The following SCN9A variants were observed in gnomAD, a reference collection of about 807,000 sequenced individuals.
The protein encoded by SCN9A is sodium voltage-gated channel alpha subunit 9.
A neutral mutation model predicts 187.0 loss-of-function variants in SCN9A; 131 were observed. The observed-to-expected ratio is 0.70, with a 90% CI of 0.61 to 0.81. SCN9A has a LOEUF of 0.81. Among genes scored for constraint, SCN9A ranks in the 30% least tolerant of loss-of-function variants. The pLI is 0.00. For synonymous variants in SCN9A, 809 were observed against 808.6 expected (o/e 1.00, Z -0.01); for missense variants, 2,252 against 2,396.6 (o/e 0.94, Z 1.26).
intron 24 of SCN9A, among the ~76,000 whole-genome samples, chr2:166,226,275 C>G (rs766335672): frequency 1.3e-4 from 19 of 151,976 alleles, no homozygotes; most frequent in Non-Finnish European, 2.1e-4. Context: ...ATTATTCAAT[C>G]CTCTATAGGA....
chr2:166,310,237 C>T (rs1438804081), intron 2 of SCN9A, among the ~76,000 whole-genome samples: 1 of 91,212 alleles, frequency 1.1e-5, no homozygotes, highest in Non-Finnish European at 2.3e-5. Context: ...CAACAAAAGA[C>T]AAAATTGACA....
intron 1 of SCN9A, among the ~76,000 whole-genome samples, chr2:166,313,244 G>A (rs1261610923): frequency 1.3e-5 from 2 of 151,990 alleles, no homozygotes; most frequent in Admixed American, 1.3e-4. Flanking sequence ...GTCACCAGCT[G>A]CATTATCCCC....
At chr2:166,246,966 G>T (rs994174058) in intron 18 of SCN9A, among the ~76,000 whole-genome samples, 3 of 151,756 alleles carry the variant, frequency 2.0e-5, no homozygotes, top group Non-Finnish European at 2.9e-5. Flanking sequence ...AACTAAGCTG[G>T]TTAGCAATGT....
rs554016514 is a variant in SCN9A at position 166,358,155 on chromosome 2, T to G, written c.-51+17542A>C. ...TGCGATCTCAGCTCACTGCAACATC[T>G]GCCTCCTGGGTTCAAGCAGTTCTCC... On this transcript the variant is annotated intron_variant, in intron 1 of 26. Coordinates refer to ENST00000642356, the MANE Select transcript of SCN9A (RefSeq NM_001365536.1). Among the ~76,000 whole-genome samples the G allele has an allele frequency of 2.9e-3, 447 of 151,698 alleles. 2 individuals are homozygous for G. Among genetic ancestry groups the G allele is most frequent in the African/African-American group, 1.0e-2 (412 of 41,388 alleles).
At chr2:166,247,616 A>G (rs1047022284) in intron 18 of SCN9A, among the ~76,000 whole-genome samples, 3 of 152,080 alleles carry the variant, frequency 2.0e-5, no homozygotes, top group African/African-American at 7.2e-5. Context: ...TCCTGGGTTC[A>G]AGCGATTCTC....
chr2:166,209,101 T>G lies in SCN9A; in HGVS notation c.4399-4637A>C, dbSNP rs577579677. On this transcript the variant is annotated intron_variant, in intron 24 of 26. Transcript: ENST00000642356. ...AAAAGGGGACGGTAGATTAGCTGTT[T>G]GAGAGACTCTCAGTATCTCTAGCCA... Among the ~76,000 whole-genome samples the G allele has an allele frequency of 3.3e-5, 5 of 152,308 alleles. No homozygotes were observed. The South Asian group carries it at 8.3e-4, about 25-fold the overall frequency.
At chr2:166,344,258 A>G (rs1381309248) in intron 1 of SCN9A, among the ~76,000 whole-genome samples, 5 of 152,214 alleles carry the variant, frequency 3.3e-5, no homozygotes. Flanking sequence ...AATACTAAAA[A>G]GCCTTATAAA....
chr2:166,330,199 G>A (rs1699467143), intron 1 of SCN9A, among the ~76,000 whole-genome samples: 1 of 152,056 alleles, frequency 6.6e-6, no homozygotes, highest in East Asian at 1.9e-4. Context: ...TCAAGTTCCA[G>A]GTTAAATTCC....
In SCN9A at chr2:166,305,480, T is replaced by C. The variant is rs561103484; in HGVS notation, c.596+312A>G. Among the ~76,000 whole-genome samples, 5 of 152,248 alleles carry C rather than the reference T, an allele frequency of 3.3e-5. No homozygotes were observed. The East Asian group carries it at 9.6e-4, about 29-fold the overall frequency. On this transcript the variant is annotated intron_variant, in intron 5 of 26. Coordinates refer to ENST00000642356, the MANE Select transcript of SCN9A (RefSeq NM_001365536.1). ...TTTTTTGTGTGCTTCTTATAGGTTT[T>C]ATTCATTTTTAAACAAGAACTTGGA...
chr2:166,245,197 T>C (rs116370864), intron 18 of SCN9A, among the ~76,000 whole-genome samples: 45 of 152,146 alleles, frequency 3.0e-4, no homozygotes, highest in Non-Finnish European at 5.7e-4. Flanking sequence ...TTTGGCAAAG[T>C]TCAAAAAAAG....
chr2:166,343,651 C>T (rs1358774627), intron 1 of SCN9A, among the ~76,000 whole-genome samples: 1 of 152,024 alleles, frequency 6.6e-6, no homozygotes, highest in Non-Finnish European at 1.5e-5. Flanking sequence ...ATAATCCCAG[C>T]ACTTTGGGAG....
chr2:166,311,538 C>A lies in SCN9A; in HGVS notation c.219G>T (p.Glu73Asp), dbSNP rs1183962696. ...YGDIPPGMVS[E>D]PLEDLDPYYA... is the part of the protein sequence containing the mutation. ...AGTAGGGGTCCAAGTCCTCCAGGGG[C>A]TCTGACACCATGCCGGGAGGAATGT... Residue 73 changes from glutamate (E) to aspartate (D), a missense_variant, in exon 2 of 27, where the codon GAG becomes GAT. Physicochemically the swap from Glu to Asp is conservative, Grantham distance 45. Transcript: ENST00000642356. The A allele has an allele frequency of 6.2e-7, 1 of 1,612,442 alleles. No individual in the cohort carries two copies. Among genetic ancestry groups the A allele is most frequent in the Admixed American group, 1.7e-5 (1 of 59,882 alleles).
At position 166,303,110 on chromosome 2, in the gene SCN9A, TCTAGG is replaced by T; in HGVS notation, c.876_880del (p.Leu293GlufsTer2). 6.2e-7 allele frequency: 1 copy of T among 1,603,622 alleles called. No individual in the cohort carries two copies. Among genetic ancestry groups the T allele is most frequent in the South Asian group, 1.1e-5 (1 of 90,052 alleles). On this transcript the variant is annotated frameshift_variant, in exon 7 of 27. Coordinates refer to ENST00000642356, the MANE Select transcript of SCN9A (RefSeq NM_001365536.1). LOFTEE classifies it high-confidence loss of function. ...CTTACTTCTAAAGTCTTCTTCACTCTCTAGGGTATTCATTATGCTTTCTAATGTTT... is the reference window on the plus strand; with the variant it reads ...CTTACTTCTAAAGTCTTCTTCACTCTGTATTCATTATGCTTTCTAATGTTT...
intron 17 of SCN9A, among the ~76,000 whole-genome samples, chr2:166,255,356 G>A (rs1696221345): frequency 6.6e-6 from 1 of 151,424 alleles, no homozygotes; most frequent in Admixed American, 6.6e-5. Flanking sequence ...TAGAAATTGT[G>A]TTAAATATAT....
rs1458341492 is a variant in SCN9A at position 166,233,997 on chromosome 2, G to A, written c.3802-535C>T. ...ACAATTTCTAAAGATTAGCACCAAA[G>A]ATCTACCAAATAGTTTTTCATGGGA... On this transcript the variant is annotated intron_variant, in intron 20 of 26. Transcript: ENST00000642356. 2.0e-5 allele frequency among the ~76,000 whole-genome samples: 3 copies of A among 152,058 alleles called. No individual in the cohort carries two copies. In the East Asian group the frequency reaches 5.8e-4, roughly 29 times the overall value.
At chr2:166,211,242 A>G (rs1473662582) in intron 24 of SCN9A, among the ~76,000 whole-genome samples, 1 of 152,166 alleles carries the variant, frequency 6.6e-6, no homozygotes, top group South Asian at 2.1e-4. Context: ...GAAAGTATAT[A>G]TTCAAAATAC....
intron 1 of SCN9A, among the ~76,000 whole-genome samples, chr2:166,330,899 GC>G (rs1426885584): frequency 2.0e-5 from 3 of 152,078 alleles, no homozygotes; most frequent in African/African-American, 7.2e-5. Context: ...TCTGTCACTG[GC>G]CCAGGGGATG....
chr2:166,354,135 C>T (rs1020825882), intron 1 of SCN9A, among the ~76,000 whole-genome samples: 1 of 152,092 alleles, frequency 6.6e-6, no homozygotes, highest in African/African-American at 2.4e-5. Flanking sequence ...GATTTTACAT[C>T]AGAAACGCTA....
rs115744128 is a variant in SCN9A, at chr2:166,234,633, G to A, written c.3802-1171C>T. Among the ~76,000 whole-genome samples, 862 of 151,842 alleles carry A rather than the reference G, an allele frequency of 5.7e-3. 11 individuals carry two copies. The highest frequency in any genetic ancestry group is 0.02 in the African/African-American group (820 of 41,356). On this transcript the variant is annotated intron_variant, in intron 20 of 26. Coordinates refer to ENST00000642356, the MANE Select transcript of SCN9A (RefSeq NM_001365536.1). ...TTTTTTTTTAAATTCCTAAAGCTAC[G>A]TATTTAGCAGAATAAATTACTCCTC...
Sources: allele counts gnomAD v4.1 joint callset (sites outside exome capture counted in the v4.1 genomes callset), GRCh38; gene constraint gnomAD v4.1.1; transcripts MANE v1.5; gene names NCBI Gene and HGNC (gene_info 2026-07-23, HGNC 2026-07-21).